Variants in C14orf39 observed in about 807,000 individuals in gnomAD.
The protein encoded by C14orf39 is protein SIX6OS1.
A neutral mutation model predicts 85.6 loss-of-function variants in C14orf39; 66 were observed. The observed-to-expected ratio is 0.77, with a 90% CI of 0.63 to 0.95. The LOEUF is 0.95. C14orf39 is among the 40% of genes least tolerant of loss of function. C14orf39 has a pLI of 0.00. For synonymous variants in C14orf39, 242 were observed against 214.0 expected (o/e 1.13, Z -1.14); for missense variants, 735 against 663.9 (o/e 1.11, Z -1.18).
Position 60,484,850 on chromosome 14 carries a change from TAAAA to T in C14orf39, c.106+27_106+30del. The T allele has an allele frequency of 6.8e-7, 1 of 1,465,916 alleles. No homozygotes were observed. 90.8% of individuals were successfully genotyped at this position (1,465,916 alleles called of 1,614,324 possible). On this transcript the variant is annotated intron_variant, in intron 3 of 17. Coordinates refer to ENST00000321731, the MANE Select transcript of C14orf39 (RefSeq NM_174978.3). The surrounding 1 kb of genome is among the most constrained non-coding windows in gnomAD (Gnocchi z 4.2). ...TATATGCCATAAGGAATTAAAAGAC[TAAAA>T]TATCTTGATCATGCAAAGCTACTTA...
chr14:60,437,370 G>A (rs1890304199), intron 17 of C14orf39, among the ~76,000 whole-genome samples: 1 of 152,010 alleles, frequency 6.6e-6, no homozygotes, highest in South Asian at 2.1e-4. Context: ...ACATGCATAG[G>A]ATGCATTAGA....
chr14:60,481,193 T>C (rs1892623028), intron 4 of C14orf39, among the ~76,000 whole-genome samples: 1 of 152,160 alleles, frequency 6.6e-6, no homozygotes, highest in African/African-American at 2.4e-5. Flanking sequence ...GATCAAAATA[T>C]CACATTTTGA....
Position 60,436,974 on chromosome 14 carries a change from T to G in C14orf39, c.1635A>C (p.Thr545=). Residue 545 remains threonine, a synonymous_variant, in exon 18 of 18, where the codon ACA becomes ACC. Transcript: ENST00000321731. ...TAAAATCATCTTTTCCAGCTCCAAA[T>G]GTATGAGTTGAAGTGTCTGATGGAA... ...FSFPSDTSTH[T]FGAGKDDFSF... 2 of 1,613,124 alleles carry G rather than the reference T, an allele frequency of 1.2e-6. No homozygotes were observed. Among genetic ancestry groups the G allele is most frequent in the Middle Eastern group, 1.7e-4 (1 of 6,046 alleles).
At chr14:60,441,740 A>G (rs1325832380) in intron 17 of C14orf39, among the ~76,000 whole-genome samples, 10 of 152,190 alleles carry the variant, frequency 6.6e-5, no homozygotes. Flanking sequence ...AAAAGTATCA[A>G]AGAGAGAAAA....
rs568811472 is a variant in C14orf39, at chr14:60,465,943, G to T, written c.972+36C>A. Reference sequence around the variant, plus strand: ...TCATTATTACATTTAATGCAAGCAGGTATTTAATTTATACTACTAAAAGTG... The same window carrying T: ...TCATTATTACATTTAATGCAAGCAGTTATTTAATTTATACTACTAAAAGTG... On this transcript the variant is annotated intron_variant, in intron 11 of 17. Coordinates refer to ENST00000321731, the MANE Select transcript of C14orf39 (RefSeq NM_174978.3). 2.9e-4 allele frequency: 305 copies of T among 1,067,084 alleles called. 3 individuals carry two copies. In the South Asian group the frequency reaches 4.5e-3, roughly 16 times the overall value. 66.1% of individuals were successfully genotyped at this position (1,067,084 alleles called of 1,614,324 possible). A position where few individuals can be genotyped will look rare whatever the true frequency, so the allele number is the denominator to read the frequency against.
upstream of C14orf39, among the ~76,000 whole-genome samples, chr14:60,487,805 T>C (rs529494881): frequency 6.6e-6 from 1 of 152,336 alleles, no homozygotes; most frequent in Non-Finnish European, 1.5e-5. Context: ...TTTTTTATCA[T>C]AGTCATTCTA....
intron 5 of C14orf39, among the ~76,000 whole-genome samples, chr14:60,474,741 G>C (rs1214911016): frequency 6.6e-6 from 1 of 151,928 alleles, no homozygotes. Context: ...TTGCATCCCA[G>C]GGATGAAGCC....
chr14:60,467,245 G>T (rs1891838517), intron 9 of C14orf39, among the ~76,000 whole-genome samples: 2 of 151,710 alleles, frequency 1.3e-5, no homozygotes, highest in South Asian at 4.1e-4. Flanking sequence ...CACTTCCCCT[G>T]ATTAAGTTCA....
At chr14:60,455,250 G>C (rs1891216941) in intron 15 of C14orf39, 105 bp from the exon 16 acceptor site, 3 of 719,600 alleles carry the variant, frequency 4.2e-6, no homozygotes, top group Non-Finnish European at 6.6e-6. Flanking sequence ...GCATAGTAGG[G>C]AAATGTAGGA....
intron 1 of C14orf39, among the ~76,000 whole-genome samples, chr14:60,499,722 T>C (rs1007303720): frequency 6.6e-6 from 1 of 152,220 alleles, no homozygotes; most frequent in Non-Finnish European, 1.5e-5. Flanking sequence ...GGCAATCAAC[T>C]TGATAAAGTT....
chr14:60,459,463 C>T (rs1231877305), intron 13 of C14orf39, among the ~76,000 whole-genome samples: 6 of 151,588 alleles, frequency 4.0e-5, no homozygotes, highest in South Asian at 4.1e-4. Context: ...TTTTTCCCAA[C>T]GGTTGTACCA....
At chr14:60,501,306 CAAAAAA>C (rs66800067) in intron 1 of C14orf39, among the ~76,000 whole-genome samples, 1 of 105,620 alleles carries the variant, frequency 9.5e-6, no homozygotes, top group African/African-American at 3.9e-5. Context: ...ACCCTGTCTC[CAAAAAA>C]AAAAAAAAAA....
Position 60,491,165 on chromosome 14 carries a change from T to C in C14orf39, c.-8-6079A>G, listed in dbSNP as rs1231189860. 6.6e-6 allele frequency among the ~76,000 whole-genome samples: 1 copy of C among 152,148 alleles called. No individual in the cohort carries two copies. Among genetic ancestry groups the C allele is most frequent in the Non-Finnish European group, 1.5e-5 (1 of 68,032 alleles). On this transcript the variant is annotated intron_variant, in intron 2 of 5. Transcript: ENST00000556799. The surrounding 1 kb of genome is among the most constrained non-coding windows in gnomAD (Gnocchi z 4.5). ...TAACAAAACACCACTACCTAGATAA[T>C]TCATAAATAATAGAAATTTATTTCT...
chr14:60,486,591 T>G (rs1002653132), upstream of C14orf39, among the ~76,000 whole-genome samples: 6 of 152,208 alleles, frequency 3.9e-5, no homozygotes, highest in African/African-American at 1.4e-4. Context: ...TAATTTATGC[T>G]CTTAGGCTTT....
At chr14:60,473,249 G>A (rs147154323) in intron 5 of C14orf39, among the ~76,000 whole-genome samples, 1,946 of 151,894 alleles carry the variant, frequency 0.013, 18 homozygotes, top group South Asian at 0.027. Context: ...TTTTGATGGC[G>A]TTCTTTGTTT....
At chr14:60,514,879 G>C (rs1893341829) in intron 1 of C14orf39, among the ~76,000 whole-genome samples, 1 of 152,222 alleles carries the variant, frequency 6.6e-6, no homozygotes, top group South Asian at 2.1e-4. Flanking sequence ...GGGGGCGGCC[G>C]TGAATGGGGG....
chr14:60,442,786 G>A (rs1394229010), intron 16 of C14orf39, among the ~76,000 whole-genome samples: 1 of 152,070 alleles, frequency 6.6e-6, no homozygotes, highest in Non-Finnish European at 1.5e-5. Flanking sequence ...ACAGATTTAT[G>A]TTTCTTTGAC....
In C14orf39 at chr14:60,436,503, C is replaced by T. The variant is rs1345193406; in HGVS notation, c.*342G>A. 2 of 176,554 alleles carry T rather than the reference C, an allele frequency of 1.1e-5. No homozygotes were observed. Among genetic ancestry groups the T allele is most frequent in the African/African-American group, 4.8e-5 (2 of 41,546 alleles). The allele number at this position is 176,554 out of a possible 1,614,324, so 10.9% of individuals were successfully genotyped here. A position where few individuals can be genotyped will look rare whatever the true frequency, so the allele number is the denominator to read the frequency against. Reference sequence around the variant, plus strand: ...TGCAGTTCTTGTTCTTATCAAAGTACCAACAATACTTCCAGAAAAAAACCT... The same window carrying T: ...TGCAGTTCTTGTTCTTATCAAAGTATCAACAATACTTCCAGAAAAAAACCT... On this transcript the variant is annotated 3_prime_UTR_variant, in exon 18 of 18. Transcript: ENST00000321731.
upstream of C14orf39, among the ~76,000 whole-genome samples, chr14:60,490,708 T>C (rs1234659423): frequency 6.6e-6 from 1 of 152,188 alleles, no homozygotes; most frequent in African/African-American, 2.4e-5. Context: ...ACCAGACTCA[T>C]GTGCTATACA....
Sources: allele counts gnomAD v4.1 joint callset (sites outside exome capture counted in the v4.1 genomes callset), GRCh38; gene constraint gnomAD v4.1.1; non-coding constraint Gnocchi (gnomAD v3.1); transcripts MANE v1.5; gene names NCBI Gene and HGNC (gene_info 2026-07-23, HGNC 2026-07-21).